Variants in ZNF107 observed in about 807,000 individuals in gnomAD.
ZNF107 encodes the protein zinc finger protein 107.
ZNF107 carries 19 observed loss-of-function variants against 12.3 expected under a neutral mutation model. The observed-to-expected ratio is 1.55, with a 90% CI of 1.08 to 2.27. ZNF107 has a LOEUF of 2.27. ZNF107 is among the 30% of genes most tolerant of loss of function. The pLI, the probability that ZNF107 is intolerant of heterozygous loss-of-function variation, is 0.00. For synonymous variants in ZNF107, 317 were observed against 330.5 expected, an observed-to-expected ratio of 0.96 and a Z score of 0.44; for missense variants, 958 against 979.9, an observed-to-expected ratio of 0.98 and a Z score of 0.30.
At chr7:64,666,357 C>A in intron 1 of ZNF107, 72 bp downstream of exon 1, 1 of 1,574,646 alleles carries the variant, frequency 6.4e-7, no homozygotes, top group Non-Finnish European at 8.6e-7. Flanking sequence ...GTGGCTGTGG[C>A]TGGACTCGGG....
At chr7:64,669,907 C>T (rs910809221) in intron 1 of ZNF107, among the ~76,000 whole-genome samples, 1 of 152,152 alleles carries the variant, frequency 6.6e-6, no homozygotes, top group Admixed American at 6.5e-5. Flanking sequence ...AAAGCTTATG[C>T]CCAGTGATTC....
At chr7:64,690,482 C>A in intron 1 of ZNF107, 1 of 981,152 alleles carries the variant, frequency 1.0e-6, no homozygotes, top group Non-Finnish European at 1.2e-6. Context: ...GGAGTGGTTG[C>A]TAACAATTCC....
rs1272482822 is a variant in ZNF107 at position 64,707,760 on chromosome 7, C to T, written c.1663C>T (p.His555Tyr). 1.2e-6 allele frequency: 2 copies of T among 1,612,204 alleles called. No individual in the cohort carries two copies. Among genetic ancestry groups the T allele is most frequent in the Non-Finnish European group, 1.7e-6 (2 of 1,179,424 alleles). The change falls in exon 4 of 4, where the codon CAT becomes TAT. Residue 555 changes from histidine to tyrosine, a missense_variant. Transcript: ENST00000620827. ...TAACCGATTCTCAACCCTTACTAAA[C>T]ATAAGAGAATTCATACTGGAGAAAA... ...AFNRFSTLTKHKRIHTGEKPY... is the reference protein window; with the variant it reads ...AFNRFSTLTKYKRIHTGEKPY...
At chr7:64,671,768 T>C (rs1481258068) in intron 1 of ZNF107, among the ~76,000 whole-genome samples, 2 of 150,344 alleles carry the variant, frequency 1.3e-5, no homozygotes, top group East Asian at 2.0e-4. Context: ...ATTTTTTTGA[T>C]CCTTTTTGTT....
At chr7:64,693,583 G>T (rs926898739) in intron 3 of ZNF107, among the ~76,000 whole-genome samples, 1 of 152,064 alleles carries the variant, frequency 6.6e-6, no homozygotes. Flanking sequence ...CACCTTTATT[G>T]GCTTGTTACT....
chr7:64,670,487 G>C lies in ZNF107; in HGVS notation c.3+4202G>C, dbSNP rs558794103. Among the ~76,000 whole-genome samples the C allele has an allele frequency of 1.9e-3, 292 of 152,326 alleles. 1 individual carries two copies. Among genetic ancestry groups the C allele is most frequent in the Admixed American group, 3.0e-3 (46 of 15,310 alleles). ...GCCTGTGGAAAGGAGATAAACTTAAGTGAAGTTTGATTAAGAAGAACTTTC... is the reference window on the plus strand; with the variant it reads ...GCCTGTGGAAAGGAGATAAACTTAACTGAAGTTTGATTAAGAAGAACTTTC... On this transcript the variant is annotated intron_variant, in intron 1 of 3. Coordinates refer to ENST00000620827, the MANE Select transcript of ZNF107 (RefSeq NM_001282359.2).
chr7:64,702,652 G>C (rs576866215), intron 3 of ZNF107, among the ~76,000 whole-genome samples: 1 of 151,964 alleles, frequency 6.6e-6, no homozygotes, highest in East Asian at 1.9e-4. Context: ...CTGCCTCCCA[G>C]ATTCAAGCGA....
intron 1 of ZNF107, among the ~76,000 whole-genome samples, chr7:64,675,361 T>G (rs1293903182): frequency 6.6e-6 from 1 of 152,220 alleles, no homozygotes; most frequent in Non-Finnish European, 1.5e-5. Context: ...TTTATCCATT[T>G]CTTTTAGATT....
chr7:64,676,690 C>T (rs1789424501), intron 1 of ZNF107, among the ~76,000 whole-genome samples: 2 of 152,172 alleles, frequency 1.3e-5, no homozygotes, highest in Non-Finnish European at 2.9e-5. Context: ...GCATACCTCC[C>T]CCCATATGTG....
intron 3 of ZNF107, among the ~76,000 whole-genome samples, chr7:64,699,305 GTTTTA>G (rs1291926957): frequency 6.6e-6 from 1 of 152,052 alleles, no homozygotes; most frequent in East Asian, 1.9e-4. Context: ...TGAACAGTGT[GTTTTA>G]TTTTAATATA....
intron 3 of ZNF107, among the ~76,000 whole-genome samples, chr7:64,699,626 T>C (rs149150263): frequency 5.9e-5 from 9 of 152,288 alleles, no homozygotes; most frequent in Admixed American, 2.0e-4. Context: ...GAACAGGGCC[T>C]CACTAAGTTG....
chr7:64,680,930 C>T (rs1008185241), intron 1 of ZNF107, among the ~76,000 whole-genome samples: 2 of 152,152 alleles, frequency 1.3e-5, no homozygotes, highest in African/African-American at 4.8e-5. Flanking sequence ...CCGCAGCGCC[C>T]AGCAGCCCCT....
rs909939436 is a variant in ZNF107, at chr7:64,710,353, G to A, written c.*1697G>A. ...TGAAAACATTTTTTAAAAAACTACA[G>A]CTTAGAAAATACCAGAGGCCTCATA... On this transcript the variant is annotated 3_prime_UTR_variant, in exon 4 of 4. Coordinates refer to ENST00000620827, the MANE Select transcript of ZNF107 (RefSeq NM_001282359.2). 1 of 152,048 alleles carries A rather than the reference G, an allele frequency of 6.6e-6. No individual in the cohort carries two copies. The highest frequency in any genetic ancestry group is 1.5e-5 in the Non-Finnish European group (1 of 68,008). The allele number at this position is 152,048 out of a possible 1,614,324, so 9.4% of individuals were successfully genotyped here.
At chr7:64,702,798 A>G (rs1790520491) in intron 3 of ZNF107, among the ~76,000 whole-genome samples, 2 of 151,876 alleles carry the variant, frequency 1.3e-5, no homozygotes, top group South Asian at 2.1e-4. Context: ...ACCTCAGGTG[A>G]TTTGTCTGCC....
chr7:64,681,083 C>G (rs1789649052), intron 1 of ZNF107, among the ~76,000 whole-genome samples: 1 of 152,186 alleles, frequency 6.6e-6, no homozygotes, highest in Non-Finnish European at 1.5e-5. Context: ...ATCCCTAGAG[C>G]TCCTGGAGCT....
At chr7:64,698,690 G>C (rs536154206) in intron 3 of ZNF107, among the ~76,000 whole-genome samples, 16 of 152,252 alleles carry the variant, frequency 1.1e-4, no homozygotes, top group African/African-American at 3.4e-4. Context: ...CAAAGTGCTG[G>C]AATTACAGGC....
intron 1 of ZNF107, among the ~76,000 whole-genome samples, chr7:64,668,391 GTGAGAACA>G (rs1789089964): frequency 7.2e-6 from 1 of 138,532 alleles, no homozygotes; most frequent in Admixed American, 8.2e-5. Flanking sequence ...CCACCTATAA[GTGAGAACA>G]TGCGGTGTTT....
chr7:64,683,457 C>T (rs1789768029), intron 1 of ZNF107, among the ~76,000 whole-genome samples: 1 of 152,174 alleles, frequency 6.6e-6, no homozygotes, highest in African/African-American at 2.4e-5. Flanking sequence ...GTCTCTGCTC[C>T]AAAAGACCAG....
intron 3 of ZNF107, among the ~76,000 whole-genome samples, chr7:64,704,270 G>A (rs928746728): frequency 6.6e-6 from 1 of 151,892 alleles, no homozygotes; most frequent in African/African-American, 2.4e-5. Context: ...TTTTTTAGAT[G>A]GAGTCTCACT....
Sources: gnomAD v4.1 joint callset for allele counts (sites outside exome capture counted in the v4.1 genomes callset) on GRCh38, gnomAD v4.1.1 for gene constraint, MANE v1.5 for transcripts, NCBI Gene and HGNC (gene_info 2026-07-23, HGNC 2026-07-21) for gene names.